The following HACD3 variants were observed in gnomAD, a reference collection of about 807,000 sequenced individuals.
The protein encoded by HACD3 is very-long-chain (3R)-3-hydroxyacyl-CoA dehydratase 3.
Under a neutral mutation model 55.2 loss-of-function variants are expected in HACD3, and 30 were observed. That is an observed-to-expected ratio of 0.54 (90% CI 0.41 to 0.74). HACD3 has a LOEUF of 0.74. HACD3 is among the 30% of genes least tolerant of loss of function. The pLI, the probability that HACD3 is intolerant of heterozygous loss-of-function variation, is 0.00. For missense variants in HACD3, 363 were observed against 440.1 expected (o/e 0.82, Z 1.57); for synonymous variants, 141 against 151.7 (o/e 0.93, Z 0.52).
chr15:65,542,192 G>GCA (rs1264144600), intron 1 of HACD3, among the ~76,000 whole-genome samples: 1 of 129,386 alleles, frequency 7.7e-6, no homozygotes, highest in Non-Finnish European at 1.6e-5. Flanking sequence ...TCATGCCACT[G>GCA]CACTCCAGCC....
intron 1 of HACD3, among the ~76,000 whole-genome samples, chr15:65,539,008 A>G (rs559185181): frequency 2.0e-5 from 3 of 152,182 alleles, no homozygotes; most frequent in African/African-American, 4.8e-5. Context: ...CATAACATTT[A>G]TATATACTGG....
In HACD3 at chr15:65,576,297, T is replaced by C; in HGVS notation, c.1013-6T>C. 6.3e-7 allele frequency: 1 copy of C among 1,587,164 alleles called. No individual in the cohort carries two copies. Among genetic ancestry groups the C allele is most frequent in the Non-Finnish European group, 8.6e-7 (1 of 1,167,096 alleles). ...TAATTTCTAATTGACCTCTTTTCTT[T>C]TTCAGGTTTATACATAAATTTTCGT... On this transcript the variant is annotated splice_region_variant and splice_polypyrimidine_tract_variant and intron_variant, in intron 10 of 10. Transcript: ENST00000261875.
At chr15:65,532,109 C>A (rs184090421) in intron 1 of HACD3, among the ~76,000 whole-genome samples, 2 of 152,128 alleles carry the variant, frequency 1.3e-5, no homozygotes, top group African/African-American at 4.8e-5. Flanking sequence ...ACAGTAGTGG[C>A]CAGAATGCCT....
intron 10 of HACD3, among the ~76,000 whole-genome samples, chr15:65,574,905 TAAAG>T (rs937907268): frequency 5.1e-4 from 78 of 152,296 alleles, no homozygotes; most frequent in African/African-American, 1.9e-3. Context: ...GGGCATAAGA[TAAAG>T]AGGAATAAAT....
intron 1 of HACD3, 146 bp from the exon 2 acceptor site, chr15:65,551,530 T>C: frequency 5.7e-6 from 5 of 884,480 alleles, no homozygotes; most frequent in Non-Finnish European, 9.1e-6. Flanking sequence ...GAGATGTGAA[T>C]AAATGACTAA....
intron 2 of HACD3, among the ~76,000 whole-genome samples, chr15:65,553,349 C>T (rs2072154423): frequency 6.6e-6 from 1 of 151,814 alleles, no homozygotes; most frequent in South Asian, 2.1e-4. Context: ...CAGGCCTTTT[C>T]AGCTCTGACA....
rs939902737 is a variant in HACD3 at position 65,555,126 on chromosome 15, G to T, written c.204+166G>T. Among the ~76,000 whole-genome samples the T allele has an allele frequency of 9.8e-5, 15 of 152,344 alleles. 1 individual carries two copies. Among genetic ancestry groups the T allele is most frequent in the Admixed American group, 8.5e-4 (13 of 15,306 alleles). On this transcript the variant is annotated intron_variant, in intron 3 of 10. Coordinates refer to ENST00000261875, the MANE Select transcript of HACD3 (RefSeq NM_016395.4). The stretch of plus-strand genomic sequence containing the variant: ...CCCAGGTTTTAGCTGCAGAGGAATG[G>T]GAAAGTCAGAGACCCCAAGTTGAGT...
In HACD3 at chr15:65,549,426, GAAAAAA is replaced by G. The variant is rs34149100; in HGVS notation, c.88-2231_88-2226del. Reference sequence around the variant, plus strand: ...TATGGTGTAATCCCATCTCTGCTGGGAAAAAAAAAAAAAAAAAAAAAAAATTAGCTG... The same window carrying G: ...TATGGTGTAATCCCATCTCTGCTGGGAAAAAAAAAAAAAAAAAATTAGCTG... On this transcript the variant is annotated intron_variant, in intron 1 of 10. Transcript: ENST00000261875. 7.7e-4 allele frequency among the ~76,000 whole-genome samples: 85 copies of G among 111,064 alleles called. 1 individual carries two copies. The Middle Eastern group carries it at 0.033, about 43-fold the overall frequency. 72.9% of individuals were successfully genotyped at this position (111,064 alleles called of 152,430 possible).
chr15:65,552,395 G>A (rs2072142496), intron 2 of HACD3, among the ~76,000 whole-genome samples: 1 of 152,152 alleles, frequency 6.6e-6, no homozygotes, highest in Non-Finnish European at 1.5e-5. Context: ...GAATGCAGTG[G>A]CATGATTTCG....
At chr15:65,539,690 AAAT>A (rs1415548116) in intron 1 of HACD3, among the ~76,000 whole-genome samples, 1 of 152,186 alleles carries the variant, frequency 6.6e-6, no homozygotes, top group Non-Finnish European at 1.5e-5. Context: ...TTGCAGCAAA[AAAT>A]TGAAAACAGC....
At chr15:65,559,953 A>G (rs930628073) in intron 5 of HACD3, among the ~76,000 whole-genome samples, 5 of 152,144 alleles carry the variant, frequency 3.3e-5, no homozygotes, top group African/African-American at 1.2e-4. Flanking sequence ...GGGGAAGTGT[A>G]ATAGATTTTT....
intron 1 of HACD3, among the ~76,000 whole-genome samples, chr15:65,548,985 C>G (rs770793361): frequency 6.6e-6 from 1 of 152,172 alleles, no homozygotes; most frequent in African/African-American, 2.4e-5. Flanking sequence ...CTTCAGCCTC[C>G]CCGGTAGCTG....
rs565058403 is a variant in HACD3, at chr15:65,572,950, T to A, written c.1012+584T>A. Among the ~76,000 whole-genome samples, 9 of 140,858 alleles carry A rather than the reference T, an allele frequency of 6.4e-5. No homozygotes were observed. In the East Asian group the frequency reaches 8.1e-4, roughly 13 times the overall value. 92.4% of individuals were successfully genotyped at this position (140,858 alleles called of 152,430 possible). ...AAAAAATAAATAAATAAATAAAAAT[T>A]AAAAAAAAAAAAGTAAGGAGCCTTT... On this transcript the variant is annotated intron_variant, in intron 10 of 10. Transcript: ENST00000261875.
intron 1 of HACD3, chr15:65,530,921 T>C (rs950295417): frequency 1.3e-5 from 7 of 540,562 alleles, no homozygotes; most frequent in African/African-American, 2.0e-5. Context: ...CCCCGAGGGC[T>C]GCAGGAACCT....
At chr15:65,569,838 A>G (rs923349363) in intron 7 of HACD3, among the ~76,000 whole-genome samples, 1 of 152,230 alleles carries the variant, frequency 6.6e-6, no homozygotes, top group East Asian at 1.9e-4. Flanking sequence ...TATTCTTTAG[A>G]CTGCGTTTGA....
intron 10 of HACD3, among the ~76,000 whole-genome samples, chr15:65,573,287 ATTT>A (rs953121558): frequency 1.1e-4 from 16 of 151,904 alleles, no homozygotes; most frequent in African/African-American, 2.4e-4. Context: ...AACTATAAGG[ATTT>A]TTTTTTGTTG....
intron 1 of HACD3, chr15:65,531,559 C>CTTTTTTTTCTTTTCTTTTT (rs2071899707): frequency 6.6e-6 from 1 of 151,526 alleles, no homozygotes; most frequent in African/African-American, 2.4e-5. Flanking sequence ...TTCTTTCTTT[C>CTTTTTTTTCTTTTCTTTTT]TTTTTTTTTC....
chr15:65,571,049 T>C (rs779987750), intron 8 of HACD3, among the ~76,000 whole-genome samples: 3 of 152,226 alleles, frequency 2.0e-5, no homozygotes, highest in Admixed American at 6.5e-5. Flanking sequence ...AATCCAGTTA[T>C]CACACTTATG....
In HACD3 at chr15:65,556,745, T is replaced by C; in HGVS notation, c.211T>C (p.Tyr71His). 1 of 1,607,970 alleles carries C rather than the reference T, an allele frequency of 6.2e-7. No homozygotes were observed. The highest frequency in any genetic ancestry group is 8.5e-7 in the Non-Finnish European group (1 of 1,176,082). Residue 71 changes from tyrosine to histidine, a missense_variant, in exon 4 of 11, where the codon TAC becomes CAC. Tyr to His is a moderately conservative substitution (Grantham distance 83). Coordinates refer to ENST00000261875, the MANE Select transcript of HACD3 (RefSeq NM_016395.4). ...FLDLVKPEPVYKLTQRQVNIT... is the reference protein window; with the variant it reads ...FLDLVKPEPVHKLTQRQVNIT... The stretch of plus-strand genomic sequence containing the variant: ...TTTTCACTTTCTCTCCTAGCCTGTT[T>C]ACAAACTGACCCAGAGGCAGGTAAA...
Sources: allele counts gnomAD v4.1 joint callset (sites outside exome capture counted in the v4.1 genomes callset), GRCh38; gene constraint gnomAD v4.1.1; transcripts MANE v1.5; gene names NCBI Gene and HGNC (gene_info 2026-07-23, HGNC 2026-07-21).